The following TBL1X variants were observed in gnomAD, a reference collection of about 807,000 sequenced individuals.
The protein encoded by TBL1X is transducin beta like 1 X-linked, also known as F-box-like/WD repeat-containing protein TBL1X.
A neutral mutation model predicts 50.7 loss-of-function variants in TBL1X; 10 were observed. The observed-to-expected ratio is 0.20, with a 90% CI of 0.12 to 0.33. TBL1X has a LOEUF of 0.33. TBL1X is among the 10% of genes least tolerant of loss of function. TBL1X has a pLI of 1.00. For missense variants in TBL1X, 340 were observed against 504.4 expected, an observed-to-expected ratio of 0.67 and a Z score of 3.12; for synonymous variants, 190 against 214.7, an observed-to-expected ratio of 0.88 and a Z score of 1.01.
intron 2 of TBL1X, among the ~76,000 whole-genome samples, chrX:9,555,661 C>T (rs2082293688): frequency 9.0e-6 from 1 of 111,632 alleles, no homozygotes; most frequent in South Asian, 3.7e-4. Flanking sequence ...CATTCCCACC[C>T]AAATGTATGA....
chrX:9,528,163 C>T (rs1601734645), intron 2 of TBL1X, among the ~76,000 whole-genome samples: 2 of 111,244 alleles, frequency 1.8e-5, no homozygotes, highest in East Asian at 5.7e-4. Flanking sequence ...CCCCCGCAGC[C>T]CCTGGCACCC....
intron 2 of TBL1X, among the ~76,000 whole-genome samples, chrX:9,528,688 G>T (rs1024368898): frequency 3.6e-4 from 37 of 102,334 alleles, no homozygotes; most frequent in African/African-American, 1.3e-3. Flanking sequence ...GCAGGAGCTT[G>T]CGGGGGGAGG....
intron 5 of TBL1X, among the ~76,000 whole-genome samples, chrX:9,677,586 A>G (rs1405635060): frequency 6.3e-5 from 7 of 110,247 alleles, no homozygotes; most frequent in African/African-American, 2.3e-4. Context: ...CTCCCCGACT[A>G]CTGTAGTCAT....
At chrX:9,551,560 T>C (rs1405023062) in intron 2 of TBL1X, among the ~76,000 whole-genome samples, 1 of 111,034 alleles carries the variant, frequency 9.0e-6, no homozygotes, top group African/African-American at 3.3e-5. Context: ...TGTTGCAAGG[T>C]CCCCCTCAGC....
intron 12 of TBL1X, among the ~76,000 whole-genome samples, chrX:9,697,872 C>T (rs369625850): frequency 1.8e-5 from 2 of 111,368 alleles, no homozygotes; most frequent in South Asian, 7.5e-4. Flanking sequence ...TCACTTGAGC[C>T]CAGGGGTTCT....
At chrX:9,464,090 A>G (rs777067489), upstream of TBL1X, among the ~76,000 whole-genome samples, 3 of 111,477 alleles carry the variant, frequency 2.7e-5, no homozygotes, top group Non-Finnish European at 5.7e-5. Context: ...ATATTCAACG[A>G]GGCTGACCCC....
chrX:9,554,648 T>C lies in TBL1X; in HGVS notation c.-131+52799T>C, dbSNP rs143688419. Among the ~76,000 whole-genome samples, 30 of 112,456 alleles carry C rather than the reference T, an allele frequency of 2.7e-4. No homozygotes were observed. In the East Asian group the frequency reaches 8.1e-3, roughly 30 times the overall value. ...GTAGTCTAGTTTTCTGGTTGTACAG[T>C]AACAATGTGATATATATTGTCTTTA... On this transcript the variant is annotated intron_variant, in intron 2 of 17. Coordinates refer to ENST00000645353, the MANE Select transcript of TBL1X (RefSeq NM_005647.4).
intron 12 of TBL1X, among the ~76,000 whole-genome samples, chrX:9,700,871 G>T (rs1293216693): frequency 8.9e-6 from 1 of 111,818 alleles, no homozygotes; most frequent in Non-Finnish European, 1.9e-5. Flanking sequence ...GATCTCAAGG[G>T]CATTTTGCCG....
intron 2 of TBL1X, among the ~76,000 whole-genome samples, chrX:9,619,516 C>T (rs770292263): frequency 7.1e-5 from 8 of 112,137 alleles, no homozygotes; most frequent in Non-Finnish European, 1.5e-4. Flanking sequence ...TCTACCTTCC[C>T]GGTCTTGCTG....
At chrX:9,590,192 G>A (rs1220745645) in intron 2 of TBL1X, among the ~76,000 whole-genome samples, 2 of 111,704 alleles carry the variant, frequency 1.8e-5, no homozygotes, top group Non-Finnish European at 1.9e-5. Flanking sequence ...AATTGGGTAA[G>A]TCTGTAGTTC....
chrX:9,615,751 A>G (rs1301349693), intron 2 of TBL1X, among the ~76,000 whole-genome samples: 3 of 112,067 alleles, frequency 2.7e-5, no homozygotes, highest in Non-Finnish European at 3.8e-5. Flanking sequence ...TTGGCCAGAG[A>G]TGATCTCACA....
At position 9,528,950 on chromosome X, in the gene TBL1X, C is replaced by T. The variant is rs756910208; in HGVS notation, c.-131+27101C>T. ...TCTTGGCCACACACTGCTATATCCG[C>T]GACACCAAATTCTATCCCACCTGTT... is the stretch of plus-strand genomic sequence containing the variant. On this transcript the variant is annotated intron_variant, in intron 2 of 17. Coordinates refer to ENST00000645353, the MANE Select transcript of TBL1X (RefSeq NM_005647.4). Among the ~76,000 whole-genome samples the T allele has an allele frequency of 3.6e-5, 4 of 111,689 alleles. No homozygotes were observed. The Admixed American group carries it at 3.8e-4, about 11-fold the overall frequency.
rs370465277 is a variant in TBL1X at position 9,591,137 on chromosome X, G to A, written c.-130-49136G>A. Among the ~76,000 whole-genome samples the A allele has an allele frequency of 4.5e-5, 5 of 110,867 alleles. No homozygotes were observed. In the East Asian group the frequency reaches 8.5e-4, roughly 19 times the overall value. ...TTGTGGGAACTCCTGCTTACTCCCC[G>A]TGACCCTGAGCAAAACTTCCAAGTT... On this transcript the variant is annotated intron_variant, in intron 2 of 17. Coordinates refer to ENST00000645353, the MANE Select transcript of TBL1X (RefSeq NM_005647.4).
intron 2 of TBL1X, among the ~76,000 whole-genome samples, chrX:9,617,491 C>T (rs2082644897): frequency 8.9e-6 from 1 of 112,363 alleles, no homozygotes. Flanking sequence ...AGCAATGTTA[C>T]TGCACCTGTT....
chrX:9,523,729 T>G (rs899242271), intron 2 of TBL1X, among the ~76,000 whole-genome samples: 7 of 111,944 alleles, frequency 6.3e-5, no homozygotes, highest in African/African-American at 1.9e-4. Context: ...ATTGGCCCCC[T>G]TGCCTTACAC....
intron 5 of TBL1X, among the ~76,000 whole-genome samples, chrX:9,657,428 C>T (rs931684593): frequency 1.2e-4 from 14 of 112,413 alleles, no homozygotes; most frequent in Non-Finnish European, 2.3e-4. Flanking sequence ...TCCCCTCTGC[C>T]AGTATCCATG....
intron 13 of TBL1X, among the ~76,000 whole-genome samples, chrX:9,708,294 C>T (rs1017474614): frequency 8.9e-6 from 1 of 112,321 alleles, no homozygotes; most frequent in African/African-American, 3.2e-5. Flanking sequence ...GTGTCCTGAG[C>T]CTGTGCTTTT....
chrX:9,709,494 C>T (rs2083231246), intron 14 of TBL1X, 139 bp from the exon 15 acceptor site: 1 of 1,012,721 alleles, frequency 9.9e-7, no homozygotes, highest in Non-Finnish European at 1.3e-6. Flanking sequence ...AGAATCGCAG[C>T]CTCCCTGCAG....
At chrX:9,573,925 C>T (rs1426912709) in intron 2 of TBL1X, among the ~76,000 whole-genome samples, 2 of 112,262 alleles carry the variant, frequency 1.8e-5, no homozygotes, top group Admixed American at 9.4e-5. Flanking sequence ...AGTCAGCTGG[C>T]GGAACAGGGT....
Sources: allele counts gnomAD v4.1 joint callset (sites outside exome capture counted in the v4.1 genomes callset), GRCh38; gene constraint gnomAD v4.1.1; transcripts MANE v1.5; gene names NCBI Gene and HGNC (gene_info 2026-07-23, HGNC 2026-07-21).